Variants in GNAQ observed in about 807,000 individuals in gnomAD.
GNAQ encodes guanine nucleotide-binding protein G(q) subunit alpha.
A neutral mutation model predicts 43.9 loss-of-function variants in GNAQ; 8 were observed. The ratio of observed to expected loss-of-function variants is 0.18; its 90% CI spans 0.11 to 0.33. The LOEUF is 0.33. GNAQ is among the 10% of genes least tolerant of loss of function. The pLI, the probability that GNAQ is intolerant of heterozygous loss-of-function variation, is 1.00. For missense variants in GNAQ, 158 were observed against 450.8 expected (o/e 0.35, Z 5.88); for synonymous variants, 155 against 170.7 (o/e 0.91, Z 0.71).
chr9:77,868,941 C>T (rs1211163082), intron 2 of GNAQ, among the ~76,000 whole-genome samples: 1 of 152,198 alleles, frequency 6.6e-6, no homozygotes, highest in Non-Finnish European at 1.5e-5. Context: ...GAGCCGAGAT[C>T]ATGCCACTGC....
intron 2 of GNAQ, among the ~76,000 whole-genome samples, chr9:77,853,709 C>T (rs796458522): frequency 2.2e-5 from 3 of 134,108 alleles, no homozygotes; most frequent in Non-Finnish European, 4.6e-5. Context: ...TAGAGAACAG[C>T]GGCTACTCCT....
intron 2 of GNAQ, among the ~76,000 whole-genome samples, chr9:77,828,093 A>AAAAAAAAC (rs1827233806): frequency 6.9e-6 from 1 of 144,282 alleles, no homozygotes; most frequent in Non-Finnish European, 1.5e-5. Flanking sequence ...AAAAAAAAAA[A>AAAAAAAAC]GAAGGGGCAG....
chr9:77,962,923 T>C (rs924084860), intron 1 of GNAQ, among the ~76,000 whole-genome samples: 1 of 141,034 alleles, frequency 7.1e-6, no homozygotes, highest in African/African-American at 2.6e-5. Flanking sequence ...AAACAGTGCA[T>C]GGAAAATGTG....
At chr9:77,825,548 T>C (rs867231587) in intron 2 of GNAQ, among the ~76,000 whole-genome samples, 6 of 152,152 alleles carry the variant, frequency 3.9e-5, no homozygotes, top group Non-Finnish European at 5.9e-5. Flanking sequence ...GTCACTTTTG[T>C]CCCAGCTTAC....
In GNAQ at chr9:77,728,515, A is replaced by G. The variant is rs1173057059; in HGVS notation, c.888T>C (p.Asp296=). Residue 296 remains aspartate (D), a splice_region_variant and synonymous_variant, in exon 6 of 7, where the codon GAT becomes GAC. Transcript: ENST00000286548. ...SHLVDYFPEY[D]GPQRDAQAAR... The stretch of plus-strand genomic sequence containing the variant: ...GCTGTGGTATGAGTGCTGACTTACC[A>G]TCATATTCTGGGAAGTAGTCGACTA... 1 of 1,601,132 alleles carries G rather than the reference A, an allele frequency of 6.2e-7. No homozygotes were observed. Among genetic ancestry groups the G allele is most frequent in the South Asian group, 1.1e-5 (1 of 90,792 alleles).
intron 1 of GNAQ, among the ~76,000 whole-genome samples, chr9:77,978,641 A>G (rs1240596100): frequency 6.6e-6 from 1 of 152,252 alleles, no homozygotes; most frequent in African/African-American, 2.4e-5. Context: ...ACCAACAGCA[A>G]TGCTCAACTC....
At chr9:77,802,200 C>T (rs902221565) in intron 3 of GNAQ, among the ~76,000 whole-genome samples, 1 of 151,826 alleles carries the variant, frequency 6.6e-6, no homozygotes, top group African/African-American at 2.4e-5. Context: ...AACAAAAAAA[C>T]CCTGCATTTT....
At chr9:77,950,430 C>T (rs561612192) in intron 1 of GNAQ, among the ~76,000 whole-genome samples, 17 of 152,322 alleles carry the variant, frequency 1.1e-4, no homozygotes, top group Admixed American at 8.5e-4. Flanking sequence ...CACCAGCAGC[C>T]GTTTGCTCCC....
intron 1 of GNAQ, among the ~76,000 whole-genome samples, chr9:77,954,825 G>T (rs527389762): frequency 6.6e-6 from 1 of 152,242 alleles, no homozygotes; most frequent in South Asian, 2.1e-4. Context: ...CTGACAAAAC[G>T]TCACCAGTCA....
At chr9:77,822,753 G>C (rs546316316) in intron 2 of GNAQ, among the ~76,000 whole-genome samples, 102 of 152,034 alleles carry the variant, frequency 6.7e-4, no homozygotes, top group East Asian at 7.8e-4. Flanking sequence ...AATTGTGTTA[G>C]GAAAAACTGA....
At chr9:77,830,479 G>C (rs1654759016) in intron 2 of GNAQ, among the ~76,000 whole-genome samples, 1 of 152,162 alleles carries the variant, frequency 6.6e-6, no homozygotes, top group African/African-American at 2.4e-5. Context: ...GAGTTCTAAG[G>C]AGTCGTTACT....
In GNAQ at chr9:77,720,036, T is replaced by TA. The variant is rs1442453560; in HGVS notation, c.*1286dup. On this transcript the variant is annotated 3_prime_UTR_variant, in exon 7 of 7. Transcript: ENST00000286548. ...CACTGAGAGTAAAACTGGTTTCAAATAAAGAGACATAAACAGATTTCCTGT... is the reference window on the plus strand; with the variant it reads ...CACTGAGAGTAAAACTGGTTTCAAATAAAAGAGACATAAACAGATTTCCTGT... 2.1e-5 allele frequency: 5 copies of TA among 232,580 alleles called. No individual in the cohort carries two copies. 14.4% of individuals were successfully genotyped at this position (232,580 alleles called of 1,614,324 possible).
chr9:77,878,242 T>G (rs1828157333), intron 2 of GNAQ, among the ~76,000 whole-genome samples: 1 of 151,108 alleles, frequency 6.6e-6, no homozygotes, highest in Admixed American at 6.6e-5. Flanking sequence ...TTTTTTTTTT[T>G]GAAACCCTTC....
chr9:77,918,898 G>C (rs1359733352), intron 2 of GNAQ, among the ~76,000 whole-genome samples: 1 of 152,162 alleles, frequency 6.6e-6, no homozygotes, highest in Non-Finnish European at 1.5e-5. Context: ...CAGACGAGGA[G>C]ACTCTCAATT....
At chr9:77,751,888 C>A (rs1387387909) in intron 5 of GNAQ, among the ~76,000 whole-genome samples, 1 of 152,188 alleles carries the variant, frequency 6.6e-6, no homozygotes, top group African/African-American at 2.4e-5. Context: ...AACAGGAACA[C>A]AGGAACAGTG....
At chr9:77,955,109 C>G (rs1403883049) in intron 1 of GNAQ, among the ~76,000 whole-genome samples, 1 of 152,154 alleles carries the variant, frequency 6.6e-6, no homozygotes, top group Non-Finnish European at 1.5e-5. Flanking sequence ...AGCAGTTGCT[C>G]CAAGATAAGT....
chr9:77,817,995 T>C (rs532035207), intron 2 of GNAQ, among the ~76,000 whole-genome samples: 228 of 151,914 alleles, frequency 1.5e-3, no homozygotes, highest in Middle Eastern at 0.01. Context: ...TTCTTTTGAC[T>C]GCAAAAAACA....
At chr9:77,917,792 T>C (rs1250120645) in intron 2 of GNAQ, among the ~76,000 whole-genome samples, 3 of 152,210 alleles carry the variant, frequency 2.0e-5, no homozygotes, top group Non-Finnish European at 4.4e-5. Flanking sequence ...CTAAGACGTA[T>C]GTCTTCTCTC....
chr9:77,849,635 G>A (rs1235759316), intron 2 of GNAQ, among the ~76,000 whole-genome samples: 1 of 152,108 alleles, frequency 6.6e-6, no homozygotes, highest in Non-Finnish European at 1.5e-5. Flanking sequence ...GTTCCACAAA[G>A]CAAGAGCTGG....
Sources: gnomAD v4.1 joint callset for allele counts (sites outside exome capture counted in the v4.1 genomes callset) on GRCh38, gnomAD v4.1.1 for gene constraint, MANE v1.5 for transcripts, NCBI Gene and HGNC (gene_info 2026-07-23, HGNC 2026-07-21) for gene names.